Variants in PTPRM observed in about 807,000 individuals in gnomAD.
The protein encoded by PTPRM is receptor-type tyrosine-protein phosphatase mu.
In PTPRM, 47 loss-of-function variants were observed where a neutral mutation model predicts 186.7. The observed-to-expected ratio is 0.25, with a 90% CI of 0.20 to 0.32. The LOEUF (loss-of-function observed/expected upper bound fraction) is 0.32. PTPRM is among the 10% of genes least tolerant of loss of function. The probability of loss-of-function intolerance (pLI) is 1.00; values close to 1 mark genes in which losing one functional copy is unlikely to be tolerated. For missense variants in PTPRM, 1,494 were observed against 1,865.0 expected (o/e 0.80, Z 3.66); for synonymous variants, 668 against 674.9 (o/e 0.99, Z 0.16).
At chr18:7,632,296 G>C (rs1244391906) in intron 1 of PTPRM, among the ~76,000 whole-genome samples, 6 of 152,208 alleles carry the variant, frequency 3.9e-5, no homozygotes, top group Non-Finnish European at 7.3e-5. Flanking sequence ...TATATGTAAA[G>C]AAATGATGTT....
At chr18:8,081,890 A>G (rs1412255432) in intron 9 of PTPRM, among the ~76,000 whole-genome samples, 5 of 152,174 alleles carry the variant, frequency 3.3e-5, no homozygotes, top group Non-Finnish European at 5.9e-5. Context: ...AGTAGGAAAG[A>G]GAAGGTGTCT....
intron 19 of PTPRM, among the ~76,000 whole-genome samples, chr18:8,258,791 G>A (rs77425362): frequency 6.6e-6 from 1 of 151,482 alleles, no homozygotes; most frequent in Admixed American, 6.6e-5. Flanking sequence ...TCACTCTGGG[G>A]CACAAAAAAA....
intron 20 of PTPRM, among the ~76,000 whole-genome samples, chr18:8,302,720 C>T (rs1009218521): frequency 2.6e-5 from 4 of 151,868 alleles, no homozygotes; most frequent in Non-Finnish European, 4.4e-5. Context: ...ATGACTCCTG[C>T]GTTTCCGACT....
intron 20 of PTPRM, among the ~76,000 whole-genome samples, chr18:8,299,266 C>T (rs2095129964): frequency 6.6e-6 from 1 of 152,118 alleles, no homozygotes; most frequent in Non-Finnish European, 1.5e-5. Flanking sequence ...TCCAATAATC[C>T]ATCTCTTCAT....
At position 8,085,749 on chromosome 18, in the gene PTPRM, A is replaced by G. The variant is rs2090399152; in HGVS notation, c.1630A>G (p.Asn544Asp). 1 of 1,612,380 alleles carries G rather than the reference A, an allele frequency of 6.2e-7. No individual in the cohort carries two copies. The highest frequency in any genetic ancestry group is 1.7e-5 in the Admixed American group (1 of 59,934). The change falls in exon 10 of 33, where the codon AAT becomes GAT. Residue 544 changes from asparagine (N) to aspartate (D), a missense_variant. Coordinates refer to ENST00000580170, the MANE Select transcript of PTPRM (RefSeq NM_001105244.2). ...GAGTGGAAGAGTTTCAAAGCTGGGA[A>G]ATGAAACCCATTTTCTGTTTTTTGG... ...NQSGRVSKLGNETHFLFFGLY... is the reference protein window; with the variant it reads ...NQSGRVSKLGDETHFLFFGLY...
chr18:8,385,478 C>T (rs1393729227), intron 30 of PTPRM, among the ~76,000 whole-genome samples: 1 of 152,166 alleles, frequency 6.6e-6, no homozygotes, highest in African/African-American at 2.4e-5. Context: ...CGGAGGAGTC[C>T]AGGGAGCACC....
chr18:7,792,546 T>G (rs2043392637), intron 2 of PTPRM, among the ~76,000 whole-genome samples: 1 of 152,242 alleles, frequency 6.6e-6, no homozygotes, highest in Admixed American at 6.5e-5. Context: ...TCTCAAACTC[T>G]TGCTATCCAT....
At chr18:8,353,469 G>C (rs1476187082) in intron 23 of PTPRM, among the ~76,000 whole-genome samples, 1 of 152,186 alleles carries the variant, frequency 6.6e-6, no homozygotes, top group Non-Finnish European at 1.5e-5. Flanking sequence ...GATGATGTGG[G>C]CTTGAGTTTG....
intron 1 of PTPRM, among the ~76,000 whole-genome samples, chr18:7,673,542 C>T (rs2039266343): frequency 6.6e-6 from 1 of 152,046 alleles, no homozygotes; most frequent in African/African-American, 2.4e-5. Flanking sequence ...CAGGAATCAA[C>T]AGACTTGAGA....
At chr18:8,383,005 A>G (rs2095746750) in intron 29 of PTPRM, among the ~76,000 whole-genome samples, 1 of 152,178 alleles carries the variant, frequency 6.6e-6, no homozygotes, top group Non-Finnish European at 1.5e-5. Context: ...TCAGAAAGAT[A>G]AAAGTTAGAT....
intron 1 of PTPRM, among the ~76,000 whole-genome samples, chr18:7,607,644 TC>T (rs1382154264): frequency 6.6e-6 from 1 of 152,224 alleles, no homozygotes; most frequent in African/African-American, 2.4e-5. Context: ...GGCAAAGATT[TC>T]TCCTGCATGT....
At chr18:7,873,735 A>T (rs968241366) in intron 2 of PTPRM, among the ~76,000 whole-genome samples, 1 of 152,208 alleles carries the variant, frequency 6.6e-6, no homozygotes. Context: ...TTGAAGTAAC[A>T]GGGCCACTTT....
chr18:8,375,941 A>G (rs1422767943), intron 24 of PTPRM, 105 bp from the exon 25 acceptor site: 1 of 1,270,040 alleles, frequency 7.9e-7, no homozygotes, highest in Non-Finnish European at 1.1e-6. Context: ...TCCTGGCCCT[A>G]GACTTGCTAC....
chr18:7,849,098 T>C (rs1017527178), intron 2 of PTPRM, among the ~76,000 whole-genome samples: 4 of 152,206 alleles, frequency 2.6e-5, no homozygotes, highest in African/African-American at 9.7e-5. Flanking sequence ...CTCGTTAATT[T>C]TTTTTGGTAG....
chr18:7,595,789 A>T (rs543641480), intron 1 of PTPRM, among the ~76,000 whole-genome samples: 1 of 152,232 alleles, frequency 6.6e-6, no homozygotes, highest in Admixed American at 6.5e-5. Flanking sequence ...TTCATCTGAG[A>T]ATATTTGAAT....
chr18:7,797,633 T>A (rs541390335), intron 2 of PTPRM, among the ~76,000 whole-genome samples: 1 of 152,162 alleles, frequency 6.6e-6, no homozygotes, highest in East Asian at 1.9e-4. Context: ...AATACTCAAT[T>A]GAGCATAATC....
chr18:8,342,544 T>G (rs2095480872), intron 22 of PTPRM, among the ~76,000 whole-genome samples: 1 of 152,226 alleles, frequency 6.6e-6, no homozygotes, highest in African/African-American at 2.4e-5. Context: ...CCTGAACATT[T>G]TTATGATTTC....
intron 7 of PTPRM, among the ~76,000 whole-genome samples, chr18:7,956,369 T>A (rs557066131): frequency 6.6e-6 from 1 of 152,360 alleles, no homozygotes; most frequent in South Asian, 2.1e-4. Context: ...CCATTGTAGC[T>A]GGTTTTTAAA....
intron 2 of PTPRM, among the ~76,000 whole-genome samples, chr18:7,856,061 C>G (rs540213678): frequency 4.6e-5 from 7 of 152,234 alleles, no homozygotes; most frequent in Non-Finnish European, 1.0e-4. Context: ...AAAGGCCCAA[C>G]AAGGACTAGA....
Sources: gnomAD v4.1 joint callset for allele counts (sites outside exome capture counted in the v4.1 genomes callset) on GRCh38, gnomAD v4.1.1 for gene constraint, MANE v1.5 for transcripts, NCBI Gene and HGNC (gene_info 2026-07-23, HGNC 2026-07-21) for gene names.